Variants in ST6GALNAC3 observed in about 807,000 individuals in gnomAD.
ST6GALNAC3 encodes the protein ST6 N-acetylgalactosaminide alpha-2,6-sialyltransferase 3.
A neutral mutation model predicts 32.7 loss-of-function variants in ST6GALNAC3; 25 were observed. The observed-to-expected ratio is 0.76, with a 90% CI of 0.56 to 1.07. The LOEUF is 1.07. ST6GALNAC3 is among the 50% of genes least tolerant of loss of function. The pLI is 0.00. For missense variants in ST6GALNAC3, 355 were observed against 382.4 expected (o/e 0.93, Z 0.60); for synonymous variants, 129 against 133.1 (o/e 0.97, Z 0.21).
intron 3 of ST6GALNAC3, among the ~76,000 whole-genome samples, chr1:76,439,600 C>T (rs1181998900): frequency 1.3e-5 from 2 of 152,184 alleles, no homozygotes; most frequent in Non-Finnish European, 2.9e-5. Flanking sequence ...TGGCAACCAA[C>T]TAAAGATACA....
intron 3 of ST6GALNAC3, among the ~76,000 whole-genome samples, chr1:76,470,723 C>T (rs1658969679): frequency 6.6e-6 from 1 of 152,038 alleles, no homozygotes; most frequent in South Asian, 2.1e-4. Context: ...CAAATGAGGT[C>T]ACCTGTCCAT....
rs142941981 is a variant in ST6GALNAC3, at chr1:76,509,638, C to T, written c.623+97221C>T. ...CAACACAAAGTTATTTTATACAGTT[C>T]GAAGTTAGAAGTCTAAAATGGGTTG... is the stretch of plus-strand genomic sequence containing the variant. On this transcript the variant is annotated intron_variant, in intron 3 of 4. Transcript: ENST00000328299. This position sits in a 1 kb window ranked among gnomAD's most constrained non-coding sequence, Gnocchi z 5.5. 1.3e-3 allele frequency among the ~76,000 whole-genome samples: 195 copies of T among 152,228 alleles called. No homozygotes were observed. Among genetic ancestry groups the T allele is most frequent in the Middle Eastern group, 3.4e-3 (1 of 294 alleles).
chr1:76,291,776 A>G (rs1660111902), intron 1 of ST6GALNAC3, among the ~76,000 whole-genome samples: 1 of 152,246 alleles, frequency 6.6e-6, no homozygotes, highest in Non-Finnish European at 1.5e-5. Flanking sequence ...GGAGGGCATC[A>G]TTAATTTTAC....
intron 1 of ST6GALNAC3, among the ~76,000 whole-genome samples, chr1:76,189,843 C>T (rs918055271): frequency 6.6e-6 from 1 of 152,096 alleles, no homozygotes; most frequent in South Asian, 2.1e-4. Flanking sequence ...AGATGTTAAG[C>T]ATACCTTAGA....
At chr1:76,123,533 T>G (rs1649030791) in intron 1 of ST6GALNAC3, among the ~76,000 whole-genome samples, 1 of 151,860 alleles carries the variant, frequency 6.6e-6, no homozygotes, top group Non-Finnish European at 1.5e-5. Context: ...GTGAGTGCAT[T>G]TTTTGTGTGT....
At chr1:76,179,918 G>A (rs750064876) in intron 1 of ST6GALNAC3, among the ~76,000 whole-genome samples, 1 of 152,128 alleles carries the variant, frequency 6.6e-6, no homozygotes, top group Non-Finnish European at 1.5e-5. Context: ...CCTTATTAGA[G>A]TCAGTTTCAG....
intron 1 of ST6GALNAC3, among the ~76,000 whole-genome samples, chr1:76,289,034 T>C (rs1012631034): frequency 6.6e-6 from 1 of 152,214 alleles, no homozygotes; most frequent in Non-Finnish European, 1.5e-5. Context: ...GAAGAAACTG[T>C]ATCTCTAAGT....
chr1:76,278,223 C>CTTTTTTTTTTTTTT (rs568694243), intron 1 of ST6GALNAC3, among the ~76,000 whole-genome samples: 2,142 of 113,038 alleles, frequency 0.019, 104 homozygotes, highest in African/African-American at 0.04. Flanking sequence ...GCTAGGCATT[C>CTTTTTTTTTTTTTT]TTTTTTTTTT....
chr1:76,356,861 G>C (rs1649496715), intron 2 of ST6GALNAC3, among the ~76,000 whole-genome samples: 1 of 152,118 alleles, frequency 6.6e-6, no homozygotes, highest in African/African-American at 2.4e-5. Context: ...TCCCAGGTCA[G>C]CACTTTCAGC....
intron 1 of ST6GALNAC3, among the ~76,000 whole-genome samples, chr1:76,126,424 T>TTTCCTTCC (rs770778690): frequency 1.4e-3 from 106 of 73,410 alleles, no homozygotes; most frequent in African/African-American, 4.8e-3. Flanking sequence ...CCCTCCTGCC[T>TTTCCTTCC]TTCCTTCCTT....
At chr1:76,083,010 A>AT (rs774486948) in intron 1 of ST6GALNAC3, among the ~76,000 whole-genome samples, 1 of 152,082 alleles carries the variant, frequency 6.6e-6, no homozygotes, top group Non-Finnish European at 1.5e-5. Flanking sequence ...TCTGGAAGGG[A>AT]CTTCTCTCTG....
chr1:76,193,711 G>A (rs549676566), intron 1 of ST6GALNAC3, among the ~76,000 whole-genome samples: 1 of 152,232 alleles, frequency 6.6e-6, no homozygotes, highest in East Asian at 1.9e-4. Context: ...TGCTTAAGTT[G>A]CCATAACAAA....
chr1:76,338,231 A>G (rs1557800586), intron 2 of ST6GALNAC3, among the ~76,000 whole-genome samples: 10 of 152,332 alleles, frequency 6.6e-5, no homozygotes, highest in Admixed American at 5.9e-4. Flanking sequence ...GCTGATAAAT[A>G]TAATTCTGCT....
At chr1:76,239,354 T>C (rs1199103131) in intron 1 of ST6GALNAC3, among the ~76,000 whole-genome samples, 3 of 152,096 alleles carry the variant, frequency 2.0e-5, no homozygotes, top group Admixed American at 1.3e-4. Flanking sequence ...TATTAATCCA[T>C]TGTGCATTGC....
intron 3 of ST6GALNAC3, among the ~76,000 whole-genome samples, chr1:76,437,719 A>AGG (rs1449875654): frequency 6.6e-6 from 1 of 151,742 alleles, no homozygotes; most frequent in African/African-American, 2.4e-5. Flanking sequence ...CTGGGACTAC[A>AGG]GGCACGCACC....
chr1:76,393,904 A>G (rs1349302341), intron 2 of ST6GALNAC3, among the ~76,000 whole-genome samples: 1 of 152,138 alleles, frequency 6.6e-6, no homozygotes, highest in Non-Finnish European at 1.5e-5. Context: ...ATACTTTACT[A>G]AGAATTGGAG....
At chr1:76,109,103 A>T (rs1251279315) in intron 1 of ST6GALNAC3, among the ~76,000 whole-genome samples, 2 of 152,120 alleles carry the variant, frequency 1.3e-5, no homozygotes, top group Admixed American at 6.5e-5. Flanking sequence ...CATAACTTGG[A>T]GTCCTAGAAT....
At chr1:76,251,499 AC>A (rs1657614427) in intron 1 of ST6GALNAC3, among the ~76,000 whole-genome samples, 1 of 151,904 alleles carries the variant, frequency 6.6e-6, no homozygotes, top group Admixed American at 6.6e-5. Context: ...ATAGCACTAA[AC>A]CCTTCACTGT....
chr1:76,158,296 A>G (rs1180206716), intron 1 of ST6GALNAC3, among the ~76,000 whole-genome samples: 1 of 151,958 alleles, frequency 6.6e-6, no homozygotes, highest in African/African-American at 2.4e-5. Context: ...TTAGGAATAT[A>G]TGGGAGGAGG....
Sources: allele counts gnomAD v4.1 joint callset (sites outside exome capture counted in the v4.1 genomes callset), GRCh38; gene constraint gnomAD v4.1.1; non-coding constraint Gnocchi (gnomAD v3.1); transcripts MANE v1.5; gene names NCBI Gene and HGNC (gene_info 2026-07-23, HGNC 2026-07-21).